LUZP2: variants seen among roughly 807,000 people sequenced by gnomAD.
LUZP2 encodes the protein leucine zipper protein 2.
A neutral mutation model predicts 51.6 loss-of-function variants in LUZP2; 52 were observed. The ratio of observed to expected loss-of-function variants is 1.01; its 90% CI spans 0.81 to 1.27. The LOEUF (loss-of-function observed/expected upper bound fraction) is 1.27. LUZP2 is among the 50% of genes most tolerant of loss of function. The probability of loss-of-function intolerance (pLI) is 0.00; values close to 1 mark genes in which losing one functional copy is unlikely to be tolerated. For missense variants in LUZP2, 436 were observed against 395.4 expected (o/e 1.10, Z -0.87); for synonymous variants, 154 against 137.3 (o/e 1.12, Z -0.85).
chr11:25,062,220 A>G (rs918241530), intron 10 of LUZP2, among the ~76,000 whole-genome samples: 2 of 120,046 alleles, frequency 1.7e-5, no homozygotes, highest in Admixed American at 8.7e-5. Context: ...GGATATAGAA[A>G]TGATAAAGAC....
chr11:24,563,994 G>T (rs1267775112), intron 1 of LUZP2, among the ~76,000 whole-genome samples: 1 of 152,120 alleles, frequency 6.6e-6, no homozygotes, highest in Non-Finnish European at 1.5e-5. Context: ...AAGTAAGTTA[G>T]CTGCCCAAGG....
At chr11:25,001,048 G>A (rs773025777) in intron 9 of LUZP2, among the ~76,000 whole-genome samples, 137 of 152,086 alleles carry the variant, frequency 9.0e-4, no homozygotes, top group Non-Finnish European at 1.7e-3. Context: ...GCTTTGAGGG[G>A]CACTGGTAGG....
chr11:25,045,318 C>T lies in LUZP2; in HGVS notation c.766-4720C>T, dbSNP rs527679743. ...AAAAACAGTAGTAAACCAGACAACC[C>T]AGTTTTCTGATAGATGAGCACAAGG... is the stretch of plus-strand genomic sequence containing the variant. On this transcript the variant is annotated intron_variant, in intron 9 of 11. Coordinates refer to ENST00000336930, the MANE Select transcript of LUZP2 (RefSeq NM_001009909.4). Among the ~76,000 whole-genome samples, 11 of 151,282 alleles carry T rather than the reference C, an allele frequency of 7.3e-5. No individual in the cohort carries two copies. The East Asian group carries it at 2.2e-3, about 30-fold the overall frequency.
intron 1 of LUZP2, among the ~76,000 whole-genome samples, chr11:24,686,306 A>G (rs888990536): frequency 6.6e-6 from 1 of 152,056 alleles, no homozygotes; most frequent in African/African-American, 2.4e-5. Flanking sequence ...TCTCTAGGTC[A>G]TATTCTCCAA....
intron 10 of LUZP2, among the ~76,000 whole-genome samples, chr11:25,061,845 G>T (rs1045926760): frequency 6.6e-6 from 1 of 151,992 alleles, no homozygotes; most frequent in African/African-American, 2.4e-5. Flanking sequence ...AAAGAGAAAT[G>T]ATATCTGAAC....
chr11:24,558,530 G>C (rs1403795909), intron 1 of LUZP2, among the ~76,000 whole-genome samples: 1 of 152,032 alleles, frequency 6.6e-6, no homozygotes, highest in Non-Finnish European at 1.5e-5. Context: ...TTGATATCCT[G>C]AAACGCAGGC....
At chr11:24,550,628 G>A (rs1423820990) in intron 1 of LUZP2, among the ~76,000 whole-genome samples, 1 of 152,088 alleles carries the variant, frequency 6.6e-6, no homozygotes, top group East Asian at 1.9e-4. Flanking sequence ...GGTCACCACT[G>A]TAGATGTCCT....
At chr11:24,778,237 C>T (rs1181886673) in intron 5 of LUZP2, among the ~76,000 whole-genome samples, 1 of 151,270 alleles carries the variant, frequency 6.6e-6, no homozygotes. Context: ...CTCGTCTCTG[C>T]AAAAAATAAA....
At chr11:24,696,282 GGATGTGTCTCTGAAGT>G (rs1404174053) in intron 1 of LUZP2, among the ~76,000 whole-genome samples, 1 of 152,056 alleles carries the variant, frequency 6.6e-6, no homozygotes, top group Non-Finnish European at 1.5e-5. Context: ...CTTCTGACAA[GGATGTGTCTCTGAAGT>G]TATTGAGTCA....
At chr11:24,779,360 C>T (rs1034878245) in intron 5 of LUZP2, among the ~76,000 whole-genome samples, 2 of 152,122 alleles carry the variant, frequency 1.3e-5, no homozygotes, top group African/African-American at 4.8e-5. Context: ...AGAAAGTTGA[C>T]ATAGTTTGCA....
chr11:24,999,553 T>A (rs1856616125), intron 9 of LUZP2, among the ~76,000 whole-genome samples: 1 of 152,032 alleles, frequency 6.6e-6, no homozygotes, highest in African/African-American at 2.4e-5. Flanking sequence ...ACACTCCTTT[T>A]AGTAGAGTTT....
chr11:24,662,375 A>G (rs1856052368), intron 1 of LUZP2, among the ~76,000 whole-genome samples: 1 of 152,164 alleles, frequency 6.6e-6, no homozygotes, highest in South Asian at 2.1e-4. Flanking sequence ...ACTTAGATGT[A>G]TAGATTTCAA....
At chr11:25,069,168 C>CA (rs1407665584) in intron 10 of LUZP2, among the ~76,000 whole-genome samples, 1 of 151,710 alleles carries the variant, frequency 6.6e-6, no homozygotes, top group African/African-American at 2.4e-5. Flanking sequence ...GAGGTGCTAT[C>CA]AAAATCTAAA....
chr11:24,931,665 A>G (rs181003255), intron 7 of LUZP2, among the ~76,000 whole-genome samples: 13 of 152,160 alleles, frequency 8.5e-5, no homozygotes, highest in African/African-American at 2.9e-4. Context: ...AATTTCTTTA[A>G]GTTGGTATTC....
At chr11:24,898,352 C>T (rs182746538) in intron 5 of LUZP2, among the ~76,000 whole-genome samples, 1 of 152,090 alleles carries the variant, frequency 6.6e-6, no homozygotes, top group African/African-American at 2.4e-5. Flanking sequence ...AGGCCGGGCG[C>T]GGTGGCTCAT....
chr11:24,717,363 G>A (rs1053892696), intron 1 of LUZP2, among the ~76,000 whole-genome samples: 1 of 150,572 alleles, frequency 6.6e-6, no homozygotes, highest in Admixed American at 6.6e-5. Context: ...TGCCATGGGG[G>A]TTTGTTGTAC....
intron 1 of LUZP2, among the ~76,000 whole-genome samples, chr11:24,622,696 C>T (rs1353324100): frequency 6.6e-6 from 1 of 152,138 alleles, no homozygotes; most frequent in African/African-American, 2.4e-5. Context: ...GCTGAGCCTC[C>T]ATTTACTCAT....
At chr11:24,547,940 T>C (rs1851612080) in intron 1 of LUZP2, among the ~76,000 whole-genome samples, 1 of 152,078 alleles carries the variant, frequency 6.6e-6, no homozygotes, top group Non-Finnish European at 1.5e-5. Context: ...CCAATAAGCA[T>C]ATTAAAAGAT....
intron 9 of LUZP2, among the ~76,000 whole-genome samples, chr11:24,991,657 A>G (rs980046381): frequency 3.3e-5 from 5 of 151,928 alleles, no homozygotes; most frequent in African/African-American, 1.2e-4. Flanking sequence ...TGTTTTCCAT[A>G]GTGGTTGTAC....
Sources: gnomAD v4.1 joint callset for allele counts (sites outside exome capture counted in the v4.1 genomes callset) on GRCh38, gnomAD v4.1.1 for gene constraint, MANE v1.5 for transcripts, NCBI Gene and HGNC (gene_info 2026-07-23, HGNC 2026-07-21) for gene names.